Variants in IMPG2 observed in about 807,000 individuals in gnomAD.
IMPG2 encodes the protein IPM 200.
Under a neutral mutation model 129.2 loss-of-function variants are expected in IMPG2, and 91 were observed. The ratio of observed to expected loss-of-function variants is 0.70; its 90% CI spans 0.59 to 0.84. The LOEUF (loss-of-function observed/expected upper bound fraction) is 0.84. Ranked by LOEUF, IMPG2 falls within the 40% of genes least tolerant of loss-of-function variation. The probability of loss-of-function intolerance (pLI) is 0.00; values close to 1 mark genes in which losing one functional copy is unlikely to be tolerated. For synonymous variants in IMPG2, 510 were observed against 517.7 expected (o/e 0.99, Z 0.20); for missense variants, 1,430 against 1,461.7 (o/e 0.98, Z 0.35).
intron 9 of IMPG2, among the ~76,000 whole-genome samples, chr3:101,262,215 G>A (rs192963789): frequency 1.1e-4 from 16 of 152,140 alleles, no homozygotes; most frequent in African/African-American, 3.9e-4. Context: ...GAAAAAGCCT[G>A]AAGCTAAATA....
chr3:101,276,046 C>T (rs1046722614), intron 5 of IMPG2, among the ~76,000 whole-genome samples: 1 of 152,048 alleles, frequency 6.6e-6, no homozygotes, highest in Non-Finnish European at 1.5e-5. Context: ...GTAAAGGGGA[C>T]ACATACTAAA....
chr3:101,302,392 T>C (rs1422782646), intron 3 of IMPG2, among the ~76,000 whole-genome samples: 1 of 152,156 alleles, frequency 6.6e-6, no homozygotes, highest in African/African-American at 2.4e-5. Flanking sequence ...AGTATGTATA[T>C]GTGTGTGTAT....
chr3:101,305,645 A>G (rs1178130179), intron 2 of IMPG2, among the ~76,000 whole-genome samples: 2 of 152,152 alleles, frequency 1.3e-5, no homozygotes, highest in Admixed American at 1.3e-4. Context: ...AAACTGCTCT[A>G]AGAAATATAG....
Position 101,245,970 on chromosome 3 carries a change from C to T in IMPG2, c.1375G>A (p.Val459Met). The change falls in exon 12 of 19, where the codon GTG (valine) becomes ATG (methionine). Residue 459 changes from valine to methionine, a missense_variant. Coordinates refer to ENST00000193391, the MANE Select transcript of IMPG2 (RefSeq NM_016247.4). Reference sequence around the variant, plus strand: ...GGAAAGGCTAATTTGTGTGTAGACACTAAATCACCCAAAGGACTTTCTGAC... The same window carrying T: ...GGAAAGGCTAATTTGTGTGTAGACATTAAATCACCCAAAGGACTTTCTGAC... ...LWSESPLGDL[V>M]STHKLAFPSK... 2 of 1,614,162 alleles carry T rather than the reference C, an allele frequency of 1.2e-6. No homozygotes were observed. The highest frequency in any genetic ancestry group is 1.7e-6 in the Non-Finnish European group (2 of 1,180,020).
intron 4 of IMPG2, among the ~76,000 whole-genome samples, chr3:101,289,454 A>G (rs914819475): frequency 1.3e-5 from 2 of 152,212 alleles, no homozygotes; most frequent in Admixed American, 6.5e-5. Context: ...AAATTAATAC[A>G]TGTAAAATAT....
chr3:101,319,967 C>A, intron 1 of IMPG2, 135 bp from the exon 2 acceptor site: 1 of 887,428 alleles, frequency 1.1e-6, no homozygotes, highest in Non-Finnish European at 1.8e-6. Context: ...GCATGCATAT[C>A]TAAGGAAAAG....
intron 11 of IMPG2, among the ~76,000 whole-genome samples, chr3:101,249,755 T>C (rs1373614783): frequency 6.8e-6 from 1 of 147,420 alleles, no homozygotes; most frequent in African/African-American, 2.5e-5. Flanking sequence ...CTAACAGAAG[T>C]GACCCTGAGG....
At chr3:101,241,129 T>A (rs1165071383) in intron 14 of IMPG2, among the ~76,000 whole-genome samples, 1 of 152,212 alleles carries the variant, frequency 6.6e-6, no homozygotes, top group Non-Finnish European at 1.5e-5. Context: ...TCAGTCCTTG[T>A]AAAAAGCTCA....
intron 14 of IMPG2, among the ~76,000 whole-genome samples, chr3:101,234,521 G>T (rs879931371): frequency 3.3e-5 from 5 of 152,114 alleles, no homozygotes; most frequent in Non-Finnish European, 5.9e-5. Context: ...TAATACAGGG[G>T]ACCACTGCCA....
At chr3:101,240,392 T>G (rs1484544617) in intron 14 of IMPG2, among the ~76,000 whole-genome samples, 2 of 152,206 alleles carry the variant, frequency 1.3e-5, no homozygotes, top group Non-Finnish European at 2.9e-5. Context: ...GTATTGGGAT[T>G]ACAAGTGTGA....
intron 2 of IMPG2, among the ~76,000 whole-genome samples, chr3:101,304,718 A>C (rs978925037): frequency 5.9e-5 from 9 of 152,088 alleles, no homozygotes; most frequent in Non-Finnish European, 1.3e-4. Context: ...ATAACTTCAA[A>C]AATCAGCTTC....
chr3:101,251,062 G>A (rs144871488), intron 11 of IMPG2, among the ~76,000 whole-genome samples: 27 of 152,038 alleles, frequency 1.8e-4, no homozygotes, highest in African/African-American at 5.8e-4. Flanking sequence ...ATATATTCTT[G>A]CAAATTCCAA....
intron 11 of IMPG2, among the ~76,000 whole-genome samples, chr3:101,247,407 G>T (rs997730279): frequency 2.0e-5 from 3 of 152,166 alleles, no homozygotes; most frequent in African/African-American, 7.2e-5. Context: ...AGGCCAGCCT[G>T]ATCAACATGG....
Position 101,244,689 on chromosome 3 carries a change from T to A in IMPG2, c.1642A>T (p.Met548Leu), listed in dbSNP as rs775018090. 4 of 1,614,128 alleles carry A rather than the reference T, an allele frequency of 2.5e-6. No homozygotes were observed. In the Admixed American group the frequency reaches 6.7e-5, roughly 27 times the overall value. The change falls in exon 13 of 19, where the codon ATG (methionine) becomes TTG (leucine). Residue 548 changes from methionine to leucine, a missense_variant. Transcript: ENST00000193391. ...QPVPKETIPS[M>L]EDSDVSLTSS... ...GTTAAGGACACATCAGAGTCTTCCATGGATGGTATTGTTTCTTTTGGCACA... is the reference window on the plus strand; with the variant it reads ...GTTAAGGACACATCAGAGTCTTCCAAGGATGGTATTGTTTCTTTTGGCACA...
chr3:101,229,523 C>G lies in IMPG2; in HGVS notation c.3490G>C (p.Glu1164Gln). Residue 1164 changes from glutamate to glutamine, a missense_variant, in exon 17 of 19, where the codon GAA becomes CAA. By Grantham distance (29) the Glu-to-Gln change is conservative (BLOSUM62 2). Transcript: ENST00000193391. ...ENAVKYNPVY[E>Q]SHRAGCEKYE... is the part of the protein sequence containing the mutation. ...TTCTCACATCCAGCCCTGTGACTTT[C>G]ATACACGGGGTTGTACTTCACAGCA... 1 of 1,613,966 alleles carries G rather than the reference C, an allele frequency of 6.2e-7. No individual in the cohort carries two copies. Among genetic ancestry groups the G allele is most frequent in the Non-Finnish European group, 8.5e-7 (1 of 1,180,014 alleles).
At chr3:101,231,633 G>C (rs1041700239) in intron 15 of IMPG2, among the ~76,000 whole-genome samples, 8 of 152,332 alleles carry the variant, frequency 5.3e-5, no homozygotes, top group African/African-American at 1.9e-4. Context: ...TGAAGGGACT[G>C]TTTTTCTCCT....
At position 101,244,487 on chromosome 3, in the gene IMPG2, G is replaced by A; in HGVS notation, c.1844C>T (p.Pro615Leu). The A allele has an allele frequency of 6.2e-7, 1 of 1,613,492 alleles. No individual in the cohort carries two copies. Among genetic ancestry groups the A allele is most frequent in the African/African-American group, 1.3e-5 (1 of 74,990 alleles). Residue 615 changes from proline (P) to leucine (L), a missense_variant, in exon 13 of 19, where the codon CCA (proline) becomes CTA (leucine). Coordinates refer to ENST00000193391, the MANE Select transcript of IMPG2 (RefSeq NM_016247.4). ...SGQKVDLITW[P>L]WSETSSEKSA... ...CTTCTCTGATGAAGTCTCACTCCAT[G>A]GCCAAGTAATCAGATCTACCTTTTG...
chr3:101,287,654 C>T lies in IMPG2; in HGVS notation c.533+3825G>A, dbSNP rs532840181. 2.6e-4 allele frequency among the ~76,000 whole-genome samples: 39 copies of T among 152,020 alleles called. 1 individual carries two copies. The highest frequency in any genetic ancestry group is 8.2e-4 in the African/African-American group (34 of 41,496). On this transcript the variant is annotated intron_variant, in intron 4 of 18. Coordinates refer to ENST00000193391, the MANE Select transcript of IMPG2 (RefSeq NM_016247.4). ...AACAATGGGGAAAGGACTTCCCATT[C>T]AATAAATGCTGCTGGGATAACTGGC...
chr3:101,236,769 C>A (rs950721449), intron 14 of IMPG2, among the ~76,000 whole-genome samples: 1 of 152,092 alleles, frequency 6.6e-6, no homozygotes, highest in Non-Finnish European at 1.5e-5. Flanking sequence ...AAAAACTGGG[C>A]GGCCATTTGC....
Sources: gnomAD v4.1 joint callset for allele counts (sites outside exome capture counted in the v4.1 genomes callset) on GRCh38, gnomAD v4.1.1 for gene constraint, MANE v1.5 for transcripts, NCBI Gene and HGNC (gene_info 2026-07-23, HGNC 2026-07-21) for gene names.